The following NDUFAF2 variants were observed in gnomAD, a reference collection of about 807,000 sequenced individuals.
NDUFAF2 encodes the protein NADH:ubiquinone oxidoreductase complex assembly factor 2.
Under a neutral mutation model 22.8 loss-of-function variants are expected in NDUFAF2, and 13 were observed. That is an observed-to-expected ratio of 0.57 (90% CI 0.37 to 0.91). NDUFAF2 has a LOEUF of 0.91. Among genes scored for constraint, NDUFAF2 ranks in the 40% least tolerant of loss-of-function variants. The pLI is 0.01. For missense variants in NDUFAF2, 162 were observed against 195.2 expected (o/e 0.83, Z 1.01); for synonymous variants, 53 against 64.2 (o/e 0.83, Z 0.84).
intron 1 of NDUFAF2, among the ~76,000 whole-genome samples, chr5:60,977,501 A>C (rs1388669858): frequency 4.6e-5 from 7 of 152,154 alleles, no homozygotes; most frequent in African/African-American, 1.7e-4. Flanking sequence ...GAAGATCAAA[A>C]GTAAAATTAT....
chr5:61,039,930 C>G (rs1751850090), intron 1 of NDUFAF2, among the ~76,000 whole-genome samples: 1 of 152,086 alleles, frequency 6.6e-6, no homozygotes, highest in Non-Finnish European at 1.5e-5. Context: ...CTCTTTAGAA[C>G]TTTGAAGATA....
At chr5:61,017,526 TGTG>T (rs76220597) in intron 1 of NDUFAF2, among the ~76,000 whole-genome samples, 62,020 of 151,742 alleles carry the variant, frequency 0.41, 13,594 homozygotes, top group East Asian at 0.8. Context: ...TTTTCAGTGG[TGTG>T]GTGGAGCCAG....
intron 3 of NDUFAF2, among the ~76,000 whole-genome samples, chr5:61,107,623 G>A (rs1752783592): frequency 6.6e-6 from 1 of 150,830 alleles, no homozygotes; most frequent in African/African-American, 2.5e-5. Flanking sequence ...TGCTTTGATT[G>A]CCTATGCTTG....
chr5:61,068,127 ATACTT>A (rs1752253194), intron 1 of NDUFAF2, among the ~76,000 whole-genome samples: 1 of 152,120 alleles, frequency 6.6e-6, no homozygotes, highest in Non-Finnish European at 1.5e-5. Flanking sequence ...ATGGATCACT[ATACTT>A]TACCTCTTTC....
chr5:61,085,315 C>A (rs557469555), intron 2 of NDUFAF2, among the ~76,000 whole-genome samples: 1 of 151,930 alleles, frequency 6.6e-6, no homozygotes, highest in Non-Finnish European at 1.5e-5. Flanking sequence ...CCAGTTGGTA[C>A]AGAAAAGAAT....
intron 3 of NDUFAF2, among the ~76,000 whole-genome samples, chr5:61,110,853 T>C (rs1304912683): frequency 1.3e-5 from 2 of 152,074 alleles, no homozygotes; most frequent in African/African-American, 4.8e-5. Flanking sequence ...TCTTTTCTTC[T>C]ACTAATTTTG....
At chr5:60,973,966 T>C (rs1183812987) in intron 1 of NDUFAF2, among the ~76,000 whole-genome samples, 3 of 152,100 alleles carry the variant, frequency 2.0e-5, no homozygotes, top group Admixed American at 1.3e-4. Flanking sequence ...ATTTTGCCTG[T>C]CTAATTTTTG....
chr5:60,991,854 T>C (rs191134447), intron 1 of NDUFAF2, among the ~76,000 whole-genome samples: 71 of 152,282 alleles, frequency 4.7e-4, no homozygotes, highest in Admixed American at 1.3e-3. Flanking sequence ...AATTTTTAGT[T>C]TTTTTGAGGA....
chr5:61,033,071 T>C (rs1447277926), intron 1 of NDUFAF2, among the ~76,000 whole-genome samples: 1 of 152,190 alleles, frequency 6.6e-6, no homozygotes, highest in African/African-American at 2.4e-5. Context: ...TGTCCTCTCT[T>C]ATTTACTCGA....
At chr5:60,952,352 T>G (rs2112563209) in intron 1 of NDUFAF2, among the ~76,000 whole-genome samples, 1 of 152,182 alleles carries the variant, frequency 6.6e-6, no homozygotes, top group East Asian at 1.9e-4. Context: ...TAAAATTTCT[T>G]GTAGGCACTG....
chr5:61,059,823 T>A (rs760543756), intron 1 of NDUFAF2, among the ~76,000 whole-genome samples: 11 of 152,116 alleles, frequency 7.2e-5, no homozygotes, highest in Non-Finnish European at 1.5e-4. Context: ...CATGTTCACA[T>A]AAGTATATGT....
chr5:61,082,084 C>G (rs528630760), intron 2 of NDUFAF2, among the ~76,000 whole-genome samples: 20 of 152,220 alleles, frequency 1.3e-4, no homozygotes, highest in Admixed American at 3.3e-4. Flanking sequence ...GAAGATATAG[C>G]CTCAGCAGTA....
intron 1 of NDUFAF2, among the ~76,000 whole-genome samples, chr5:61,064,285 T>C (rs1323861412): frequency 1.3e-5 from 2 of 152,084 alleles, no homozygotes; most frequent in African/African-American, 4.8e-5. Context: ...TAGATAGCAA[T>C]ACTATAAGAG....
chr5:61,017,858 T>C (rs1025016796), intron 1 of NDUFAF2, among the ~76,000 whole-genome samples: 1 of 152,154 alleles, frequency 6.6e-6, no homozygotes, highest in South Asian at 2.1e-4. Flanking sequence ...CAAGAGATTC[T>C]TGTGCCTCAG....
chr5:61,121,582 G>C (rs1007080034), intron 3 of NDUFAF2, among the ~76,000 whole-genome samples: 1 of 152,110 alleles, frequency 6.6e-6, no homozygotes, highest in Non-Finnish European at 1.5e-5. Flanking sequence ...GGTTAATTTT[G>C]TGTCAACTTG....
At chr5:60,982,281 G>A (rs932858963) in intron 1 of NDUFAF2, among the ~76,000 whole-genome samples, 1 of 152,136 alleles carries the variant, frequency 6.6e-6, no homozygotes, top group African/African-American at 2.4e-5. Context: ...CCACATGGCT[G>A]CAGAGGCCTC....
At chr5:61,134,346 A>G (rs1740871161) in intron 3 of NDUFAF2, among the ~76,000 whole-genome samples, 2 of 152,202 alleles carry the variant, frequency 1.3e-5, no homozygotes, top group Admixed American at 6.5e-5. Context: ...TATATCTGGT[A>G]TAATTTTGCC....
chr5:60,960,977 G>C (rs1460385795), intron 1 of NDUFAF2, among the ~76,000 whole-genome samples: 1 of 152,106 alleles, frequency 6.6e-6, no homozygotes, highest in East Asian at 1.9e-4. Context: ...GACAGAAAGT[G>C]CTCAAAAGGG....
At chr5:60,945,991 C>A (rs905529101) in intron 1 of NDUFAF2, among the ~76,000 whole-genome samples, 1 of 152,132 alleles carries the variant, frequency 6.6e-6, no homozygotes, top group East Asian at 1.9e-4. Context: ...CTCGCTGATT[C>A]CTTTCTCGGG....
Sources: gnomAD v4.1 joint callset for allele counts (sites outside exome capture counted in the v4.1 genomes callset) on GRCh38, gnomAD v4.1.1 for gene constraint, MANE v1.5 for transcripts, NCBI Gene and HGNC (gene_info 2026-07-23, HGNC 2026-07-21) for gene names.